Variants in EML6 observed in about 807,000 individuals in gnomAD.
EML6 encodes the protein EMAP like 6.
EML6 carries 154 observed loss-of-function variants against 240.1 expected under a neutral mutation model. The observed-to-expected ratio is 0.64, with a 90% CI of 0.56 to 0.73. The LOEUF (loss-of-function observed/expected upper bound fraction) is 0.73. Among genes scored for constraint, EML6 ranks in the 30% least tolerant of loss-of-function variants. The probability of loss-of-function intolerance (pLI) is 0.00; values close to 1 mark genes in which losing one functional copy is unlikely to be tolerated. For synonymous variants in EML6, 1,148 were observed against 899.0 expected, an observed-to-expected ratio of 1.28 and a Z score of -4.95; for missense variants, 2,964 against 2,474.6, an observed-to-expected ratio of 1.20 and a Z score of -4.20.
intron 17 of EML6, among the ~76,000 whole-genome samples, chr2:54,883,569 G>C (rs1402220984): frequency 2.0e-5 from 3 of 152,174 alleles, no homozygotes; most frequent in Non-Finnish European, 4.4e-5. Flanking sequence ...CGTGCTTGCT[G>C]GTGGGTTTAT....
chr2:54,876,727 A>C (rs1671526154), intron 16 of EML6, among the ~76,000 whole-genome samples: 1 of 152,194 alleles, frequency 6.6e-6, no homozygotes, highest in South Asian at 2.1e-4. Context: ...CATAATTGCA[A>C]ATGTTTACAG....
intron 2 of EML6, among the ~76,000 whole-genome samples, chr2:54,809,475 T>A (rs1462311462): frequency 6.6e-6 from 1 of 152,104 alleles, no homozygotes; most frequent in African/African-American, 2.4e-5. Context: ...CCCTCAATTA[T>A]ATGCAAAGAC....
At chr2:54,755,369 G>T (rs1189579094) in intron 2 of EML6, among the ~76,000 whole-genome samples, 2 of 152,152 alleles carry the variant, frequency 1.3e-5, no homozygotes, top group South Asian at 2.1e-4. Flanking sequence ...ATCAGTTTTA[G>T]AATTGATCTG....
intron 2 of EML6, chr2:54,747,249 A>C (rs1390300050): frequency 6.6e-6 from 1 of 152,212 alleles, no homozygotes; most frequent in Non-Finnish European, 1.5e-5. Flanking sequence ...TTGTTTTTCT[A>C]ATTAGAACAC....
chr2:54,899,505 A>T lies in EML6; in HGVS notation c.2983-136A>T. On this transcript the variant is annotated intron_variant, in intron 21 of 41. Coordinates refer to ENST00000356458, the MANE Select transcript of EML6 (RefSeq NM_001039753.4). ...TATTTCGGGTGATGATTTTGGTTCA[A>T]GGAAGCTCAAAGTGTGTTTATTCCT... 10 of 833,428 alleles carry T rather than the reference A, an allele frequency of 1.2e-5. No individual in the cohort carries two copies. In the South Asian group the frequency reaches 2.1e-4, roughly 18 times the overall value. The allele number at this position is 833,428 out of a possible 1,614,324, so 51.6% of individuals were successfully genotyped here. A position where few individuals can be genotyped will look rare whatever the true frequency, so the allele number is the denominator to read the frequency against.
Position 54,892,513 on chromosome 2 carries a change from ATG to A in EML6, c.2605_2606del (p.Val869PhefsTer34). On this transcript the variant is annotated frameshift_variant, in exon 19 of 42. Transcript: ENST00000356458. LOFTEE classifies it high-confidence loss of function. ...FGSVGKLETM[M>X]CVSYGRMEDL... is the part of the protein sequence containing the mutation. ...AAGCGTTGGAAAATTGGAAACAATG[ATG>A]TGTGTTTCTTACGGACGAATGGAAG... is the stretch of plus-strand genomic sequence containing the variant. 6 of 1,551,492 alleles carry A rather than the reference ATG, an allele frequency of 3.9e-6. No individual in the cohort carries two copies. The South Asian group carries it at 5.9e-5, about 15-fold the overall frequency.
intron 2 of EML6, among the ~76,000 whole-genome samples, chr2:54,793,865 TTTCTC>T (rs902316426): frequency 7.9e-5 from 12 of 152,238 alleles, no homozygotes; most frequent in African/African-American, 2.6e-4. Context: ...GCCTAGGTCT[TTTCTC>T]TTCCTTCCCC....
At chr2:54,881,128 A>T (rs951842161) in intron 17 of EML6, 1 of 152,216 alleles carries the variant, frequency 6.6e-6, no homozygotes, top group African/African-American at 2.4e-5. Context: ...AGAATTGCCC[A>T]GGAGAACATT....
chr2:54,831,518 T>A (rs1332869299), intron 7 of EML6, among the ~76,000 whole-genome samples: 2 of 151,972 alleles, frequency 1.3e-5, no homozygotes, highest in African/African-American at 4.8e-5. Context: ...ACGCCCTCCG[T>A]TATACATCAG....
At chr2:54,961,183 A>AGTTGTTTTTTTTTTTTTGTTTTTTTTT (rs760629525) in intron 35 of EML6, among the ~76,000 whole-genome samples, 2 of 7,896 alleles carry the variant, frequency 2.5e-4, no homozygotes, top group Admixed American at 1.7e-3. Flanking sequence ...ATCAGGAAGT[A>AGTTGTTTTTTTTTTTTTGTTTTTTTTT]GTTTTTTTTT....
chr2:54,749,562 T>A (rs1225206708), intron 2 of EML6, among the ~76,000 whole-genome samples: 1 of 152,174 alleles, frequency 6.6e-6, no homozygotes, highest in Non-Finnish European at 1.5e-5. Context: ...ATTATATACT[T>A]CATATATATG....
intron 2 of EML6, among the ~76,000 whole-genome samples, chr2:54,759,889 C>T (rs886733449): frequency 6.7e-6 from 1 of 149,892 alleles, no homozygotes; most frequent in Non-Finnish European, 1.5e-5. Flanking sequence ...TATATAAAAT[C>T]TTTGTTTACA....
At chr2:54,851,207 G>T (rs528183750) in intron 10 of EML6, among the ~76,000 whole-genome samples, 92 of 152,050 alleles carry the variant, frequency 6.1e-4, no homozygotes, top group African/African-American at 2.0e-3. Context: ...TCAGGAGTTC[G>T]AAATCAACCT....
At chr2:54,752,947 C>T (rs898629561) in intron 2 of EML6, among the ~76,000 whole-genome samples, 1 of 152,230 alleles carries the variant, frequency 6.6e-6, no homozygotes, top group Non-Finnish European at 1.5e-5. Context: ...CGCCACCACA[C>T]CCAGCTAATT....
intron 2 of EML6, among the ~76,000 whole-genome samples, chr2:54,767,274 G>A (rs1261250113): frequency 6.6e-6 from 1 of 152,038 alleles, no homozygotes; most frequent in Non-Finnish European, 1.5e-5. Context: ...CAATGAAGAA[G>A]AACCTACAGC....
At chr2:54,777,337 TC>T (rs1668647503) in intron 2 of EML6, among the ~76,000 whole-genome samples, 4 of 152,298 alleles carry the variant, frequency 2.6e-5, no homozygotes, top group African/African-American at 9.6e-5. Context: ...CTGCAGGATA[TC>T]ATTTAGTTGA....
chr2:54,878,532 A>T (rs985264818), intron 16 of EML6, among the ~76,000 whole-genome samples: 7 of 152,220 alleles, frequency 4.6e-5, no homozygotes, highest in Non-Finnish European at 8.8e-5. Flanking sequence ...GAAAAAGCAA[A>T]TTAAGTGTTT....
intron 2 of EML6, among the ~76,000 whole-genome samples, chr2:54,760,822 ATTTTTT>A (rs200476039): frequency 8.3e-6 from 1 of 120,426 alleles, no homozygotes. Flanking sequence ...TTGAGGGAGC[ATTTTTT>A]TTTTTTTTTT....
chr2:54,750,646 C>T (rs72915544), intron 2 of EML6, among the ~76,000 whole-genome samples: 3,704 of 152,144 alleles, frequency 0.024, 132 homozygotes, highest in African/African-American at 0.074. Context: ...TTCTGCTGGC[C>T]GATTTTTTTG....
Sources: allele counts gnomAD v4.1 joint callset (sites outside exome capture counted in the v4.1 genomes callset), GRCh38; gene constraint gnomAD v4.1.1; transcripts MANE v1.5; gene names NCBI Gene and HGNC (gene_info 2026-07-23, HGNC 2026-07-21).